The following NUP88 variants were observed in gnomAD, a reference collection of about 807,000 sequenced individuals.
NUP88 encodes nucleoporin 88, also known as nuclear pore complex protein Nup88.
In NUP88, 57 loss-of-function variants were observed where a neutral mutation model predicts 93.9. The ratio of observed to expected loss-of-function variants is 0.61; its 90% CI spans 0.49 to 0.76. The LOEUF is 0.76. Ranked by LOEUF, NUP88 falls within the 30% of genes least tolerant of loss-of-function variation. The probability of loss-of-function intolerance (pLI) is 0.00; values close to 1 mark genes in which losing one functional copy is unlikely to be tolerated. For missense variants in NUP88, 911 were observed against 901.0 expected (o/e 1.01, Z -0.14); for synonymous variants, 346 against 336.8 (o/e 1.03, Z -0.30).
intron 5 of NUP88, among the ~76,000 whole-genome samples, chr17:5,407,616 AT>A (rs1913574681): frequency 6.6e-6 from 1 of 152,092 alleles, no homozygotes; most frequent in Non-Finnish European, 1.5e-5. Flanking sequence ...CTCTATTTTA[AT>A]TCTTCTTGTC....
chr17:5,408,887 C>T lies in NUP88; in HGVS notation c.703G>A (p.Gly235Arg). 1 of 1,611,628 alleles carries T rather than the reference C, an allele frequency of 6.2e-7. No homozygotes were observed. Among genetic ancestry groups the T allele is most frequent in the Non-Finnish European group, 8.5e-7 (1 of 1,179,172 alleles). The change falls in exon 5 of 17, where the codon GGA becomes AGA. Residue 235 changes from glycine (G) to arginine (R), a missense_variant. Coordinates refer to ENST00000573584, the MANE Select transcript of NUP88 (RefSeq NM_002532.6). Reference sequence around the variant, plus strand: ...AAGTCAAATGCAACTGCTGTCTCTCCTAGAGATGCGGTATACGCCCTTCTG... The same window carrying T: ...AAGTCAAATGCAACTGCTGTCTCTCTTAGAGATGCGGTATACGCCCTTCTG... ...NKGRAYTASL[G>R]ETAVAFDFGP...
At chr17:5,405,022 T>C (rs1913412175) in intron 6 of NUP88, 35 bp downstream of exon 6, 1 of 1,589,156 alleles carries the variant, frequency 6.3e-7, no homozygotes, top group Non-Finnish European at 8.6e-7. Context: ...TGCCAGGTGT[T>C]GAAGATACAA....
chr17:5,388,611 T>G (rs1912207860), intron 11 of NUP88, 191 bp downstream of exon 11: 1 of 533,408 alleles, frequency 1.9e-6, no homozygotes, highest in Admixed American at 3.7e-5. Flanking sequence ...TTTTAAACAC[T>G]TCCTGTTTAT....
chr17:5,416,163 AAAAG>A (rs1334179129), intron 2 of NUP88, among the ~76,000 whole-genome samples: 3 of 119,376 alleles, frequency 2.5e-5, no homozygotes, highest in East Asian at 8.0e-4. Flanking sequence ...AAAAAAAAAA[AAAAG>A]TATATATATA....
At chr17:5,409,914 T>G (rs1913730669) in intron 4 of NUP88, among the ~76,000 whole-genome samples, 1 of 152,148 alleles carries the variant, frequency 6.6e-6, no homozygotes, top group African/African-American at 2.4e-5. Flanking sequence ...AAGGTAGAAG[T>G]GCTTAATGTC....
chr17:5,386,494 C>G (rs1304336738), intron 16 of NUP88, among the ~76,000 whole-genome samples: 1 of 152,036 alleles, frequency 6.6e-6, no homozygotes, highest in Non-Finnish European at 1.5e-5. Context: ...ATACCTTTGG[C>G]CACACAACAA....
chr17:5,414,725 C>T (rs1233973122), intron 2 of NUP88, among the ~76,000 whole-genome samples: 1 of 151,996 alleles, frequency 6.6e-6, no homozygotes, highest in Non-Finnish European at 1.5e-5. Flanking sequence ...TTGAGACCAG[C>T]CTGGCCAACA....
intron 8 of NUP88, among the ~76,000 whole-genome samples, chr17:5,399,159 G>A (rs1421185785): frequency 1.3e-5 from 2 of 149,350 alleles, no homozygotes; most frequent in Admixed American, 6.7e-5. Flanking sequence ...CCAAAGTGCT[G>A]CGACTACAGG....
chr17:5,387,773 TCATACCTC>T lies in NUP88; in HGVS notation c.1767_1769+5del. ...ATCGATGGTTTGTGAACACAGGACA[TCATACCTC>T]CGCTGAATCTCCTCCTTTGCCAAGT... is the stretch of plus-strand genomic sequence containing the variant. On this transcript the variant is annotated splice_donor_variant and splice_donor_5th_base_variant and coding_sequence_variant and intron_variant, in exon 12 of 17. Transcript: ENST00000573584. LOFTEE classifies it high-confidence loss of function. The T allele has an allele frequency of 6.2e-7, 1 of 1,612,516 alleles. No individual in the cohort carries two copies. The highest frequency in any genetic ancestry group is 8.5e-7 in the Non-Finnish European group (1 of 1,179,196).
chr17:5,387,296 G>A (rs527996778), intron 14 of NUP88, 90 bp downstream of exon 14: 122 of 1,291,042 alleles, frequency 9.4e-5, no homozygotes, highest in South Asian at 7.8e-4. Flanking sequence ...GTTCAGTTCC[G>A]TAGGTATGTA....
chr17:5,394,279 G>C (rs1386168960), intron 9 of NUP88, among the ~76,000 whole-genome samples: 1 of 152,172 alleles, frequency 6.6e-6, no homozygotes, highest in Non-Finnish European at 1.5e-5. Flanking sequence ...GCAGTGAGTA[G>C]AGGCAGAGGA....
In NUP88 at chr17:5,416,832, A is replaced by T. The variant is rs948880376; in HGVS notation, c.298-150T>A. The T allele has an allele frequency of 2.7e-4, 106 of 389,138 alleles. 1 individual carries two copies. Among genetic ancestry groups the T allele is most frequent in the Non-Finnish European group, 3.2e-4 (74 of 233,426 alleles). The allele number at this position is 389,138 out of a possible 1,614,324, so 24.1% of individuals were successfully genotyped here. On this transcript the variant is annotated intron_variant, in intron 1 of 16. Transcript: ENST00000573584. Reference sequence around the variant, plus strand: ...TCACACTTGTACCATTAACTCACAAATTTTTTTTTTTTTTTTTGAGACAGA... The same window carrying T: ...TCACACTTGTACCATTAACTCACAATTTTTTTTTTTTTTTTTTGAGACAGA...
chr17:5,404,141 G>A lies in NUP88; in HGVS notation c.1150C>T (p.Pro384Ser). ...ALKLASGEDD[P>S]FDSDFSCPVK... ...GGACAAGAAAAGTCAGAATCAAAAG[G>A]GTCATCCTCTCCAGATGCCAGTTTC... is the stretch of plus-strand genomic sequence containing the variant. The change falls in exon 7 of 17, where the codon CCT becomes TCT. Residue 384 changes from proline to serine, a missense_variant. Coordinates refer to ENST00000573584, the MANE Select transcript of NUP88 (RefSeq NM_002532.6). 1 of 1,614,000 alleles carries A rather than the reference G, an allele frequency of 6.2e-7. No individual in the cohort carries two copies. The highest frequency in any genetic ancestry group is 8.5e-7 in the Non-Finnish European group (1 of 1,179,968).
At chr17:5,404,671 G>C (rs564425148) in intron 6 of NUP88, among the ~76,000 whole-genome samples, 2 of 152,042 alleles carry the variant, frequency 1.3e-5, no homozygotes, top group Admixed American at 6.6e-5. Context: ...GGGTCAAACA[G>C]TACTTTCAAA....
At chr17:5,398,023 C>G (rs1167460334) in intron 8 of NUP88, among the ~76,000 whole-genome samples, 1 of 151,500 alleles carries the variant, frequency 6.6e-6, no homozygotes, top group Non-Finnish European at 1.5e-5. Context: ...TCTCCTGTCT[C>G]AGCCTCCCGA....
intron 9 of NUP88, among the ~76,000 whole-genome samples, chr17:5,393,011 G>A (rs1912540141): frequency 6.6e-6 from 1 of 150,928 alleles, no homozygotes; most frequent in African/African-American, 2.4e-5. Flanking sequence ...GGAGTGCAGT[G>A]ACATGATCTT....
chr17:5,418,774 A>G (rs906403817), intron 1 of NUP88, among the ~76,000 whole-genome samples: 1 of 152,152 alleles, frequency 6.6e-6, no homozygotes, highest in African/African-American at 2.4e-5. Context: ...ATTTCCATAA[A>G]CCAATATTTG....
chr17:5,396,278 T>C (rs775311826), intron 8 of NUP88, among the ~76,000 whole-genome samples: 5 of 152,196 alleles, frequency 3.3e-5, no homozygotes, highest in Non-Finnish European at 5.9e-5. Context: ...GAAACCCACA[T>C]AACCATTAGC....
intron 4 of NUP88, among the ~76,000 whole-genome samples, chr17:5,409,287 T>C (rs898551797): frequency 2.6e-5 from 4 of 151,298 alleles, no homozygotes; most frequent in African/African-American, 9.7e-5. Flanking sequence ...GGCAGGAGAA[T>C]TGCTTGAACC....
Sources: gnomAD v4.1 joint callset for allele counts (sites outside exome capture counted in the v4.1 genomes callset) on GRCh38, gnomAD v4.1.1 for gene constraint, MANE v1.5 for transcripts, NCBI Gene and HGNC (gene_info 2026-07-23, HGNC 2026-07-21) for gene names.